Variants in SCARA5 observed in about 807,000 individuals in gnomAD.
SCARA5 encodes scavenger receptor class A, member 5 (putative).
A neutral mutation model predicts 46.3 loss-of-function variants in SCARA5; 45 were observed. The ratio of observed to expected loss-of-function variants is 0.97; its 90% confidence interval spans 0.76 to 1.24. SCARA5 has a LOEUF of 1.24. Among genes scored for constraint, SCARA5 ranks in the 50% most tolerant of loss-of-function variants. The pLI, the probability that SCARA5 is intolerant of heterozygous loss-of-function variation, is 0.00. For synonymous variants in SCARA5, 333 were observed against 306.5 expected (o/e 1.09, Z -0.90); for missense variants, 680 against 689.0 (o/e 0.99, Z 0.15).
At chr8:27,882,282 A>T (rs1806824107) in intron 7 of SCARA5, among the ~76,000 whole-genome samples, 1 of 152,172 alleles carries the variant, frequency 6.6e-6, no homozygotes, top group Admixed American at 6.5e-5. Context: ...TAGTTTATTC[A>T]TCCATTCACC....
At chr8:27,913,775 A>G (rs750598037) in intron 4 of SCARA5, among the ~76,000 whole-genome samples, 19 of 152,212 alleles carry the variant, frequency 1.2e-4, no homozygotes, top group Admixed American at 9.2e-4. Context: ...CCACAGGTGC[A>G]GCTTCCCCTG....
chr8:27,989,734 G>C (rs1297008568), intron 1 of SCARA5, among the ~76,000 whole-genome samples: 1 of 152,182 alleles, frequency 6.6e-6, no homozygotes, highest in Non-Finnish European at 1.5e-5. Flanking sequence ...ACCCACTCTG[G>C]CTTCCCTGTG....
Position 27,901,212 on chromosome 8 carries a change from C to T in SCARA5, c.1153+3566G>A, listed in dbSNP as rs554712844. Among the ~76,000 whole-genome samples, 12 of 152,294 alleles carry T rather than the reference C, an allele frequency of 7.9e-5. No homozygotes were observed. In the East Asian group the frequency reaches 9.7e-4, roughly 12 times the overall value. On this transcript the variant is annotated intron_variant, in intron 7 of 8. Transcript: ENST00000354914. ...CTTCCACGTCCCTAGTGAGGGGTGTCGGTCATGTTTTCTCACCAGTCCCTT... is the reference window on the plus strand; with the variant it reads ...CTTCCACGTCCCTAGTGAGGGGTGTTGGTCATGTTTTCTCACCAGTCCCTT...
chr8:27,907,279 A>C, intron 5 of SCARA5, 33 bp from the exon 6 acceptor site: 1 of 1,529,318 alleles, frequency 6.5e-7, no homozygotes, highest in Non-Finnish European at 9.0e-7. Flanking sequence ...GCAGAGCCTC[A>C]GATGCAGAAC....
chr8:27,947,227 G>T (rs973110234), intron 3 of SCARA5, among the ~76,000 whole-genome samples: 3 of 152,108 alleles, frequency 2.0e-5, no homozygotes, highest in Admixed American at 6.5e-5. Context: ...GGCCAGGCTG[G>T]TCTCGAACTC....
chr8:27,986,741 T>C (rs1003145422), intron 2 of SCARA5, among the ~76,000 whole-genome samples: 1 of 151,898 alleles, frequency 6.6e-6, no homozygotes, highest in Non-Finnish European at 1.5e-5. Flanking sequence ...GTTGGCAGAG[T>C]GGAGCAAAAC....
At chr8:27,912,491 G>A (rs1807393634) in intron 4 of SCARA5, among the ~76,000 whole-genome samples, 1 of 152,254 alleles carries the variant, frequency 6.6e-6, no homozygotes, top group Non-Finnish European at 1.5e-5. Flanking sequence ...TAGAGAACCT[G>A]TTGGAAACAG....
At chr8:27,943,984 C>A (rs1169329729) in intron 3 of SCARA5, among the ~76,000 whole-genome samples, 1 of 152,220 alleles carries the variant, frequency 6.6e-6, no homozygotes, top group African/African-American at 2.4e-5. Context: ...CAAATTGACA[C>A]AATCCACCTC....
intron 3 of SCARA5, among the ~76,000 whole-genome samples, chr8:27,937,863 C>T (rs527592807): frequency 2.0e-4 from 31 of 152,286 alleles, no homozygotes; most frequent in African/African-American, 6.5e-4. Context: ...CTGGTCATAT[C>T]GGATCAGGGC....
At chr8:27,912,748 C>A (rs1375802143) in intron 4 of SCARA5, among the ~76,000 whole-genome samples, 1 of 152,196 alleles carries the variant, frequency 6.6e-6, no homozygotes, top group Non-Finnish European at 1.5e-5. Context: ...ATTTCACCTG[C>A]CCCTCAGATG....
In SCARA5 at chr8:27,984,164, A is replaced by T. The variant is rs537804733; in HGVS notation, c.112+3340T>A. On this transcript the variant is annotated intron_variant, in intron 2 of 8. Transcript: ENST00000354914. ...CCCATTTCACTCCGCAGAGATAAGG[A>T]TCAAAGATGCAGCAAAACCCTTCTA... Among the ~76,000 whole-genome samples the T allele has an allele frequency of 4.6e-5, 7 of 152,068 alleles. No homozygotes were observed. In the East Asian group the frequency reaches 1.4e-3, roughly 29 times the overall value.
intron 3 of SCARA5, among the ~76,000 whole-genome samples, chr8:27,956,661 G>C (rs1277974137): frequency 6.6e-6 from 1 of 152,168 alleles, no homozygotes; most frequent in Non-Finnish European, 1.5e-5. Flanking sequence ...TAGTTCTCAA[G>C]CTTCTGATCT....
At chr8:27,964,112 C>T (rs1211781257) in intron 3 of SCARA5, among the ~76,000 whole-genome samples, 2 of 152,166 alleles carry the variant, frequency 1.3e-5, no homozygotes, top group Non-Finnish European at 2.9e-5. Flanking sequence ...CTGAGGTCTT[C>T]AATCAGGCAA....
intron 2 of SCARA5, among the ~76,000 whole-genome samples, chr8:27,970,298 A>G (rs1052155644): frequency 3.0e-4 from 46 of 152,170 alleles, no homozygotes; most frequent in African/African-American, 1.0e-3. Context: ...CCGAGGTAGG[A>G]GACAAGATTC....
Position 27,890,000 on chromosome 8 carries a change from A to G in SCARA5, c.1154-10234T>C, listed in dbSNP as rs568360537. On this transcript the variant is annotated intron_variant, in intron 7 of 8. Coordinates refer to ENST00000354914, the MANE Select transcript of SCARA5 (RefSeq NM_173833.6). ...TATTTTTTCAATTGCATATTTATTT[A>G]TCCATCAATTTGCAGGTATGGAATT... is the stretch of plus-strand genomic sequence containing the variant. 1.4e-4 allele frequency among the ~76,000 whole-genome samples: 22 copies of G among 152,316 alleles called. No individual in the cohort carries two copies. In the Middle Eastern group the frequency reaches 0.01, roughly 71 times the overall value.
chr8:27,917,717 T>A (rs1364023430), intron 4 of SCARA5, among the ~76,000 whole-genome samples: 1 of 152,212 alleles, frequency 6.6e-6, no homozygotes, highest in Non-Finnish European at 1.5e-5. Flanking sequence ...TATTTGAGAA[T>A]TCATGTCTAC....
At chr8:27,905,769 G>A (rs1807251839) in intron 6 of SCARA5, among the ~76,000 whole-genome samples, 1 of 147,528 alleles carries the variant, frequency 6.8e-6, no homozygotes, top group Non-Finnish European at 1.5e-5. Context: ...GGAGTGCAGT[G>A]GTGCAATCTT....
At chr8:27,931,196 G>T (rs2129843048) in intron 3 of SCARA5, among the ~76,000 whole-genome samples, 2 of 152,380 alleles carry the variant, frequency 1.3e-5, no homozygotes, top group South Asian at 4.1e-4. Context: ...ACCCTGGGAT[G>T]CAGGAGAAAA....
At chr8:27,926,461 G>T (rs899221894) in intron 3 of SCARA5, among the ~76,000 whole-genome samples, 1 of 152,104 alleles carries the variant, frequency 6.6e-6, no homozygotes, top group African/African-American at 2.4e-5. Flanking sequence ...GTGGGGGACT[G>T]GGGGAGGGAT....
Sources: allele counts gnomAD v4.1 joint callset (sites outside exome capture counted in the v4.1 genomes callset), GRCh38; gene constraint gnomAD v4.1.1; transcripts MANE v1.5; gene names NCBI Gene and HGNC (gene_info 2026-07-23, HGNC 2026-07-21).